ANO10: variants seen among roughly 807,000 people sequenced by gnomAD.
The protein encoded by ANO10 is anoctamin-10.
A neutral mutation model predicts 74.7 loss-of-function variants in ANO10; 77 were observed. That is an observed-to-expected ratio of 1.03 (90% CI 0.86 to 1.25). The LOEUF (loss-of-function observed/expected upper bound fraction) is 1.25, where lower values mean the gene tolerates loss of function less well. Among genes scored for constraint, ANO10 ranks in the 50% most tolerant of loss-of-function variants. The pLI, the probability that ANO10 is intolerant of heterozygous loss-of-function variation, is 0.00. For missense variants in ANO10, 721 were observed against 778.1 expected, an observed-to-expected ratio of 0.93 and a Z score of 0.87; for synonymous variants, 279 against 284.9, an observed-to-expected ratio of 0.98 and a Z score of 0.21.
chr3:43,606,711 A>G (rs2082583466), intron 1 of ANO10, among the ~76,000 whole-genome samples: 2 of 152,094 alleles, frequency 1.3e-5, no homozygotes, highest in Non-Finnish European at 2.9e-5. Flanking sequence ...GTGTAATTAT[A>G]TGGAACTCTC....
At chr3:43,573,195 G>A (rs758575851) in intron 7 of ANO10, among the ~76,000 whole-genome samples, 2 of 152,154 alleles carry the variant, frequency 1.3e-5, no homozygotes, top group Non-Finnish European at 2.9e-5. Context: ...AGAGGGCACA[G>A]AACAGAACTT....
chr3:43,628,516 A>G (rs534248881), intron 1 of ANO10, among the ~76,000 whole-genome samples: 8 of 152,346 alleles, frequency 5.3e-5, no homozygotes, highest in Non-Finnish European at 1.2e-4. Context: ...GGCACCTTGA[A>G]AAAAGAACAG....
At chr3:43,646,451 C>A (rs1477134849) in intron 1 of ANO10, among the ~76,000 whole-genome samples, 1 of 152,166 alleles carries the variant, frequency 6.6e-6, no homozygotes, top group East Asian at 1.9e-4. Flanking sequence ...AGTTAGAGAA[C>A]TAAGATAACA....
At chr3:43,407,496 T>G (rs930596074) in intron 12 of ANO10, among the ~76,000 whole-genome samples, 1 of 152,162 alleles carries the variant, frequency 6.6e-6, no homozygotes, top group Non-Finnish European at 1.5e-5. Context: ...AATCTTTCCC[T>G]GGGATAACAG....
At chr3:43,386,715 A>C (rs1000600160) in intron 12 of ANO10, among the ~76,000 whole-genome samples, 1 of 149,068 alleles carries the variant, frequency 6.7e-6, no homozygotes, top group Admixed American at 6.8e-5. Flanking sequence ...TCTGGGAAGG[A>C]GGCAGGGAGA....
At chr3:43,368,440 A>C (rs1003945305) in intron 12 of ANO10, among the ~76,000 whole-genome samples, 1 of 152,080 alleles carries the variant, frequency 6.6e-6, no homozygotes, top group African/African-American at 2.4e-5. Context: ...TGCCAGGGGG[A>C]TAGAGATGGT....
At chr3:43,638,625 G>T (rs994057893) in intron 1 of ANO10, 6 of 152,166 alleles carry the variant, frequency 3.9e-5, no homozygotes, top group African/African-American at 1.2e-4. Context: ...TTTGTGAAAC[G>T]GTGGTCAAGG....
Position 43,365,903 on chromosome 3 carries a change from T to TGGCTACAGCA in ANO10, c.*993_*1002dup, listed in dbSNP as rs2125659645. On this transcript the variant is annotated 3_prime_UTR_variant, in exon 13 of 13. Coordinates refer to ENST00000292246, the MANE Select transcript of ANO10 (RefSeq NM_018075.5). ...AGGTGCCCACGGGTCTGTAGTGTCT[T>TGGCTACAGCA]GGCTACAGCAGGACGGCCAGCGCTG... The TGGCTACAGCA allele has an allele frequency of 1.3e-5, 2 of 152,532 alleles. 1 individual carries two copies. The highest frequency in any genetic ancestry group is 4.1e-4 in the South Asian group (2 of 4,828). 9.4% of individuals were successfully genotyped at this position (152,532 alleles called of 1,614,324 possible).
intron 11 of ANO10, among the ~76,000 whole-genome samples, chr3:43,507,361 AC>A (rs2077334442): frequency 6.6e-6 from 1 of 151,936 alleles, no homozygotes; most frequent in Non-Finnish European, 1.5e-5. Context: ...AGGCTCAGGG[AC>A]CTACCACAGG....
intron 1 of ANO10, among the ~76,000 whole-genome samples, chr3:43,666,400 T>C (rs1160595545): frequency 1.3e-5 from 2 of 152,190 alleles, no homozygotes; most frequent in Non-Finnish European, 2.9e-5. Context: ...TGTAAGTTGT[T>C]AAAATAGCTA....
At chr3:43,681,522 G>T (rs1177717098) in intron 1 of ANO10, among the ~76,000 whole-genome samples, 1 of 152,036 alleles carries the variant, frequency 6.6e-6, no homozygotes, top group African/African-American at 2.4e-5. Flanking sequence ...AGATCAACGA[G>T]ACAGAAAGTA....
chr3:43,691,233 C>T, intron 1 of ANO10: 1 of 469,354 alleles, frequency 2.1e-6, no homozygotes, highest in Non-Finnish European at 3.4e-6. Context: ...GGAGAGGCTC[C>T]CCTCAGCGTC....
At chr3:43,503,567 T>C (rs1343522580) in intron 11 of ANO10, among the ~76,000 whole-genome samples, 2 of 152,246 alleles carry the variant, frequency 1.3e-5, no homozygotes, top group East Asian at 1.9e-4. Flanking sequence ...CTAAGCCATA[T>C]GACAAGGAAG....
chr3:43,683,837 C>T (rs2084235978), intron 1 of ANO10, among the ~76,000 whole-genome samples: 1 of 152,078 alleles, frequency 6.6e-6, no homozygotes, highest in Non-Finnish European at 1.5e-5. Flanking sequence ...GGAAAGGATT[C>T]CCTATTTAAA....
intron 12 of ANO10, among the ~76,000 whole-genome samples, chr3:43,420,246 G>C (rs2092799660): frequency 6.6e-6 from 1 of 152,142 alleles, no homozygotes; most frequent in South Asian, 2.1e-4. Flanking sequence ...AGGAGTTTGA[G>C]ACCAGCCTGG....
At chr3:43,591,084 T>A (rs2081723852) in intron 4 of ANO10, among the ~76,000 whole-genome samples, 1 of 152,178 alleles carries the variant, frequency 6.6e-6, no homozygotes, top group Non-Finnish European at 1.5e-5. Flanking sequence ...CCCCTTTGGG[T>A]CCCCTGCCAT....
chr3:43,389,070 G>A (rs1242216852), intron 12 of ANO10, among the ~76,000 whole-genome samples: 2 of 152,340 alleles, frequency 1.3e-5, no homozygotes, highest in South Asian at 4.1e-4. Context: ...AGGTTAAACT[G>A]TTAGCTAGCA....
chr3:43,511,991 C>G (rs767496300), intron 11 of ANO10, among the ~76,000 whole-genome samples: 2 of 152,160 alleles, frequency 1.3e-5, no homozygotes, highest in Non-Finnish European at 2.9e-5. Context: ...CATCTAAACC[C>G]AGGCAATCAG....
chr3:43,432,491 C>A, intron 12 of ANO10, 120 bp downstream of exon 12: 1 of 851,652 alleles, frequency 1.2e-6, no homozygotes. Flanking sequence ...CTGGAGTCCT[C>A]TGTATTCATT....
Sources: allele counts gnomAD v4.1 joint callset (sites outside exome capture counted in the v4.1 genomes callset), GRCh38; gene constraint gnomAD v4.1.1; transcripts MANE v1.5; gene names NCBI Gene and HGNC (gene_info 2026-07-23, HGNC 2026-07-21).